Variants in ADRA1B observed in about 807,000 individuals in gnomAD.
ADRA1B encodes the protein alpha-1B adrenergic receptor.
ADRA1B carries 17 observed loss-of-function variants against 17.9 expected under a neutral mutation model. The observed-to-expected ratio is 0.95, with a 90% CI of 0.65 to 1.42. The LOEUF is 1.42. Among genes scored for constraint, ADRA1B ranks in the 40% most tolerant of loss-of-function variants. The pLI, the probability that ADRA1B is intolerant of heterozygous loss-of-function variation, is 0.00. For synonymous variants in ADRA1B, 366 were observed against 327.6 expected (o/e 1.12, Z -1.27); for missense variants, 681 against 722.1 (o/e 0.94, Z 0.65).
intron 1 of ADRA1B, among the ~76,000 whole-genome samples, chr5:159,875,828 G>A (rs1753795354): frequency 6.6e-6 from 1 of 152,216 alleles, no homozygotes; most frequent in African/African-American, 2.4e-5. Flanking sequence ...ACTGAGAAGA[G>A]GTTTCCCTGA....
chr5:159,972,495 C>A lies in ADRA1B; in HGVS notation c.*3C>A. 7.3e-7 allele frequency: 1 copy of A among 1,368,820 alleles called. No homozygotes were observed. The highest frequency in any genetic ancestry group is 9.5e-7 in the Non-Finnish European group (1 of 1,056,752). 84.8% of individuals were successfully genotyped at this position (1,368,820 alleles called of 1,614,324 possible). ...CCCTGGCGCCCGGGCAGTTTTAGGGCCCCCGTGCGCAGCTTTCTTTCCCTG... is the reference window on the plus strand; with the variant it reads ...CCCTGGCGCCCGGGCAGTTTTAGGGACCCCGTGCGCAGCTTTCTTTCCCTG... On this transcript the variant is annotated 3_prime_UTR_variant, in exon 2 of 2. Transcript: ENST00000306675.
rs1298747611 is a variant in ADRA1B at position 159,972,312 on chromosome 5, C to A, written c.1383C>A (p.Pro461=). 5.6e-6 allele frequency: 8 copies of A among 1,431,482 alleles called. No individual in the cohort carries two copies. The highest frequency in any genetic ancestry group is 7.3e-6 in the Non-Finnish European group (8 of 1,098,136). 88.7% of individuals were successfully genotyped at this position (1,431,482 alleles called of 1,614,324 possible). A position where few individuals can be genotyped will look rare whatever the true frequency, so the allele number is the denominator to read the frequency against. ...GALLSLPAPE[P]PGRRGRHDSG... ...TCCTGAGCCTGCCCGCGCCTGAGCC[C>A]CCCGGCCGCCGCGGCCGCCACGACT... is the stretch of plus-strand genomic sequence containing the variant. Residue 461 remains proline (P), a synonymous_variant, in exon 2 of 2, where the codon CCC becomes CCA. Transcript: ENST00000306675.
chr5:159,934,965 A>G (rs1754914533), intron 1 of ADRA1B, among the ~76,000 whole-genome samples: 1 of 152,218 alleles, frequency 6.6e-6, no homozygotes, highest in African/African-American at 2.4e-5. Flanking sequence ...CAAGAAACGG[A>G]TGAAAGGGAC....
chr5:159,900,096 C>A (rs1754086036), intron 1 of ADRA1B, among the ~76,000 whole-genome samples: 1 of 152,198 alleles, frequency 6.6e-6, no homozygotes, highest in African/African-American at 2.4e-5. Context: ...AATAATCTGC[C>A]AGCCTGACCT....
intron 1 of ADRA1B, among the ~76,000 whole-genome samples, chr5:159,966,335 GTT>G (rs1755775716): frequency 6.6e-6 from 1 of 152,176 alleles, no homozygotes; most frequent in South Asian, 2.1e-4. Flanking sequence ...GACTCTACAT[GTT>G]TTTACCTTGC....
the ADRA1B span, among the ~76,000 whole-genome samples, chr5:159,983,593 AG>A: frequency 4.9e-4 from 75 of 152,318 alleles, no homozygotes; most frequent in Non-Finnish European, 8.1e-4. Context: ...GAATGTGGCA[AG>A]GGTGCCAGCC....
At chr5:159,881,955 A>T (rs1214606316) in intron 1 of ADRA1B, among the ~76,000 whole-genome samples, 1 of 152,158 alleles carries the variant, frequency 6.6e-6, no homozygotes, top group Non-Finnish European at 1.5e-5. Flanking sequence ...TCGCTTTTGC[A>T]GAAGGACATT....
chr5:159,986,907 C>T, the ADRA1B span, among the ~76,000 whole-genome samples: 1 of 152,316 alleles, frequency 6.6e-6, no homozygotes, highest in Admixed American at 6.5e-5. Flanking sequence ...CTTTGCTAAA[C>T]ACCGAGTTGG....
At chr5:159,879,530 T>G (rs1292414349) in intron 1 of ADRA1B, among the ~76,000 whole-genome samples, 2 of 152,188 alleles carry the variant, frequency 1.3e-5, no homozygotes, top group Non-Finnish European at 1.5e-5. Flanking sequence ...CTGTGACTCA[T>G]TCCACAAGCC....
chr5:159,935,080 GT>G (rs1639204970), intron 1 of ADRA1B, among the ~76,000 whole-genome samples: 1 of 152,150 alleles, frequency 6.6e-6, no homozygotes, highest in African/African-American at 2.4e-5. Context: ...TTAAGTACCT[GT>G]TAATATTATG....
chr5:159,953,592 C>G (rs1159081618), intron 1 of ADRA1B, among the ~76,000 whole-genome samples: 1 of 152,168 alleles, frequency 6.6e-6, no homozygotes, highest in African/African-American at 2.4e-5. Flanking sequence ...TGAAGCCTGT[C>G]TCTACCACTG....
intron 1 of ADRA1B, among the ~76,000 whole-genome samples, chr5:159,892,139 A>G (rs1753989408): frequency 6.6e-6 from 1 of 152,176 alleles, no homozygotes; most frequent in Non-Finnish European, 1.5e-5. Flanking sequence ...CAGGAGGCTG[A>G]GGCAAAAGAA....
chr5:159,972,417 C>T lies in ADRA1B; in HGVS notation c.1488C>T (p.Cys496=), dbSNP rs897649720. Residue 496 remains cysteine, a synonymous_variant, in exon 2 of 2, where the codon TGC becomes TGT. Coordinates refer to ENST00000306675, the MANE Select transcript of ADRA1B (RefSeq NM_000679.4). ...GTDGGASNGG[C]EAAADVANGQ... The stretch of plus-strand genomic sequence containing the variant: ...ACGGCGGCGCCAGCAACGGAGGCTG[C>T]GAGGCCGCGGCCGACGTGGCCAACG... The T allele has an allele frequency of 3.8e-4, 575 of 1,508,742 alleles. 1 individual carries two copies. The highest frequency in any genetic ancestry group is 4.8e-4 in the Non-Finnish European group (543 of 1,134,740). 93.5% of individuals were successfully genotyped at this position (1,508,742 alleles called of 1,614,324 possible).
Position 159,917,588 on chromosome 5 carries a change from T to C in ADRA1B, c.683T>C (p.Ile228Thr). ...CTAGTCATGTACTGCCGTGTCTATA[T>C]AGTGGCCAAGAGAACCACCAAGAAC... The part of the protein sequence containing the change: ...VILVMYCRVY[I>T]VAKRTTKNLE... The change falls in exon 1 of 2, where the codon ATA becomes ACA. Residue 228 changes from isoleucine to threonine, a missense_variant. Ile to Thr is a moderately conservative substitution (Grantham distance 89). Transcript: ENST00000306675. The C allele has an allele frequency of 6.2e-7, 1 of 1,614,076 alleles. No individual in the cohort carries two copies. Among genetic ancestry groups the C allele is most frequent in the South Asian group, 1.1e-5 (1 of 91,070 alleles).
downstream of ADRA1B, among the ~76,000 whole-genome samples, chr5:159,976,526 G>C (rs573706356): frequency 8.0e-4 from 121 of 151,934 alleles, no homozygotes; most frequent in African/African-American, 2.8e-3. Context: ...AATTAGCCAG[G>C]CGTGGTGGCA....
chr5:159,972,156 C>T lies in ADRA1B; in HGVS notation c.1227C>T (p.Asp409=). ...RSQSRKDSLD[D]SGSCLSGSQR... ...AGTCGCGCAAGGACTCGCTGGACGA[C>T]AGCGGCAGCTGCCTGAGCGGCAGCC... The change falls in exon 2 of 2, where the codon GAC becomes GAT. Residue 409 remains aspartate, a synonymous_variant. Coordinates refer to ENST00000306675, the MANE Select transcript of ADRA1B (RefSeq NM_000679.4). 1 of 1,362,702 alleles carries T rather than the reference C, an allele frequency of 7.3e-7. No homozygotes were observed. Among genetic ancestry groups the T allele is most frequent in the Non-Finnish European group, 9.5e-7 (1 of 1,048,524 alleles). The allele number at this position is 1,362,702 out of a possible 1,614,324, so 84.4% of individuals were successfully genotyped here.
At chr5:159,911,495 C>G (rs1754227773), upstream of ADRA1B, among the ~76,000 whole-genome samples, 1 of 152,184 alleles carries the variant, frequency 6.6e-6, no homozygotes, top group Non-Finnish European at 1.5e-5. Context: ...GGGTGACTTT[C>G]AACCCCTGGG....
At chr5:159,872,289 A>G (rs926984000) in intron 1 of ADRA1B, among the ~76,000 whole-genome samples, 3 of 152,162 alleles carry the variant, frequency 2.0e-5, no homozygotes, top group Non-Finnish European at 4.4e-5. Flanking sequence ...TGGGGACACC[A>G]CCTGAAGCAG....
intron 1 of ADRA1B, among the ~76,000 whole-genome samples, chr5:159,873,474 C>T (rs892978823): frequency 6.6e-6 from 1 of 152,186 alleles, no homozygotes; most frequent in Non-Finnish European, 1.5e-5. Flanking sequence ...AGCACATACC[C>T]AATCACTGAT....
Sources: gnomAD v4.1 joint callset for allele counts (sites outside exome capture counted in the v4.1 genomes callset) on GRCh38, gnomAD v4.1.1 for gene constraint, MANE v1.5 for transcripts, NCBI Gene and HGNC (gene_info 2026-07-23, HGNC 2026-07-21) for gene names.